Variants in SATB2 observed in about 807,000 individuals in gnomAD.
SATB2 encodes DNA-binding protein SATB2.
A neutral mutation model predicts 73.4 loss-of-function variants in SATB2; 1 was observed. The observed-to-expected ratio is 0.01, with a 90% CI of 0.00 to 0.06. The LOEUF is 0.06. SATB2 is among the 10% of genes least tolerant of loss of function. SATB2 has a pLI of 1.00. For synonymous variants in SATB2, 397 were observed against 367.0 expected, an observed-to-expected ratio of 1.08 and a Z score of -0.93; for missense variants, 459 against 945.8, an observed-to-expected ratio of 0.49 and a Z score of 6.75.
chr2:199,300,726 C>T (rs1480248310), intron 10 of SATB2, among the ~76,000 whole-genome samples: 2 of 151,902 alleles, frequency 1.3e-5, no homozygotes, highest in East Asian at 1.9e-4. Flanking sequence ...ATTTCATTGC[C>T]CTTCAAAAAT....
At chr2:199,442,599 A>G (rs1247221853) in intron 2 of SATB2, among the ~76,000 whole-genome samples, 1 of 152,256 alleles carries the variant, frequency 6.6e-6, no homozygotes, top group Non-Finnish European at 1.5e-5. Context: ...AGGACAAAAG[A>G]GCCGGGCACA....
chr2:199,374,395 G>A (rs1574560398), intron 5 of SATB2, among the ~76,000 whole-genome samples: 2 of 152,276 alleles, frequency 1.3e-5, no homozygotes, highest in African/African-American at 4.8e-5. Context: ...GGCTACCAGG[G>A]GTCAGGATGA....
intron 5 of SATB2, among the ~76,000 whole-genome samples, chr2:199,370,063 C>G (rs1336324140): frequency 6.6e-6 from 1 of 152,114 alleles, no homozygotes. Flanking sequence ...ACCTATGAGG[C>G]CTTGTCTCCT....
At chr2:199,420,408 T>C (rs775048308) in intron 3 of SATB2, among the ~76,000 whole-genome samples, 7 of 152,152 alleles carry the variant, frequency 4.6e-5, no homozygotes, top group Non-Finnish European at 1.0e-4. Flanking sequence ...GGCATTCCAA[T>C]AGGAGATGAG....
Position 199,308,678 on chromosome 2 carries a change from T to C in SATB2, c.1740+82A>G. On this transcript the variant is annotated intron_variant, in intron 10 of 10. Coordinates refer to ENST00000417098, the MANE Select transcript of SATB2 (RefSeq NM_001172509.2). This position sits in a 1 kb window ranked among gnomAD's most constrained non-coding sequence, Gnocchi z 4.6. ...CACCCTCTGACAGAAGTTGGTGTGGTGTGTGCCACTTGGACCCTCAGCAGC... is the reference window on the plus strand; with the variant it reads ...CACCCTCTGACAGAAGTTGGTGTGGCGTGTGCCACTTGGACCCTCAGCAGC... 8.5e-7 allele frequency: 1 copy of C among 1,177,042 alleles called. No individual in the cohort carries two copies. Among genetic ancestry groups the C allele is most frequent in the Non-Finnish European group, 1.3e-6 (1 of 794,434 alleles). The allele number at this position is 1,177,042 out of a possible 1,614,324, so 72.9% of individuals were successfully genotyped here. A position where few individuals can be genotyped will look rare whatever the true frequency, so the allele number is the denominator to read the frequency against.
chr2:199,352,467 A>G (rs886689069), intron 6 of SATB2, among the ~76,000 whole-genome samples: 1 of 152,186 alleles, frequency 6.6e-6, no homozygotes, highest in Non-Finnish European at 1.5e-5. Flanking sequence ...CTTTAAGGTT[A>G]TATATAATCA....
intron 9 of SATB2, among the ~76,000 whole-genome samples, chr2:199,309,317 T>G (rs996931621): frequency 3.3e-5 from 5 of 152,234 alleles, no homozygotes; most frequent in Non-Finnish European, 7.3e-5. Flanking sequence ...CAGCATTTCA[T>G]GCTAAGAGTG....
chr2:199,305,231 C>A (rs543044092), intron 10 of SATB2, among the ~76,000 whole-genome samples: 96 of 152,158 alleles, frequency 6.3e-4, no homozygotes, highest in Non-Finnish European at 1.2e-3. Context: ...GTGTGCCCTG[C>A]AGAAAGGACA....
intron 10 of SATB2, among the ~76,000 whole-genome samples, chr2:199,298,227 T>C (rs1024911796): frequency 5.9e-5 from 9 of 152,114 alleles, no homozygotes; most frequent in Admixed American, 3.3e-4. Context: ...ACCCCATCAA[T>C]TTGGGATTAT....
upstream of SATB2, among the ~76,000 whole-genome samples, chr2:199,468,557 G>A (rs1692637989): frequency 6.6e-6 from 1 of 152,234 alleles, no homozygotes. Context: ...GAGGGAGAGA[G>A]AGCTGGGCTG....
chr2:199,293,240 G>A (rs1038720427), intron 10 of SATB2, among the ~76,000 whole-genome samples: 1 of 152,128 alleles, frequency 6.6e-6, no homozygotes, highest in Non-Finnish European at 1.5e-5. Flanking sequence ...TTTCTCCTGT[G>A]AGTTTTTCTC....
intron 6 of SATB2, among the ~76,000 whole-genome samples, chr2:199,362,504 A>G (rs1291224594): frequency 2.0e-5 from 3 of 152,050 alleles, no homozygotes; most frequent in Non-Finnish European, 4.4e-5. Flanking sequence ...CAACACAACC[A>G]GAGGTAGGAA....
At chr2:199,314,678 T>C (rs1204441170) in intron 9 of SATB2, among the ~76,000 whole-genome samples, 2 of 152,080 alleles carry the variant, frequency 1.3e-5, no homozygotes, top group Non-Finnish European at 2.9e-5. Flanking sequence ...ATCATTGAGA[T>C]TATGGCATGC....
At chr2:199,337,073 CAA>C (rs1688358595) in intron 7 of SATB2, among the ~76,000 whole-genome samples, 2 of 152,084 alleles carry the variant, frequency 1.3e-5, no homozygotes, top group Non-Finnish European at 2.9e-5. Flanking sequence ...CATCACAGTA[CAA>C]TTTTTATTTT....
chr2:199,376,138 G>A (rs1366618922), intron 5 of SATB2, among the ~76,000 whole-genome samples: 1 of 152,148 alleles, frequency 6.6e-6, no homozygotes, highest in Admixed American at 6.5e-5. Context: ...CATGATAGCT[G>A]AAAAGAGCTA....
exon 1 of SATB2, chr2:199,471,018 G>C (rs1692695456): frequency 6.6e-6 from 1 of 152,438 alleles, no homozygotes; most frequent in Non-Finnish European, 1.5e-5. Flanking sequence ...GCTCACCTTA[G>C]TCCTTGATTT....
chr2:199,387,960 T>TG (rs1553497798), intron 3 of SATB2, among the ~76,000 whole-genome samples: 1 of 152,362 alleles, frequency 6.6e-6, no homozygotes. Context: ...TTTGTGTTCA[T>TG]GTTTTTGGTA....
chr2:199,408,662 T>A (rs1442217623), intron 3 of SATB2, among the ~76,000 whole-genome samples: 1 of 118,048 alleles, frequency 8.5e-6, no homozygotes, highest in Non-Finnish European at 1.7e-5. Flanking sequence ...CAAAGACTCC[T>A]GTGGTTGTTT....
intron 10 of SATB2, among the ~76,000 whole-genome samples, chr2:199,284,749 C>T (rs1018035096): frequency 1.3e-5 from 2 of 151,574 alleles, no homozygotes; most frequent in Non-Finnish European, 2.9e-5. Context: ...GGGTTCCATA[C>T]CTATGGATTC....
Sources: allele counts gnomAD v4.1 joint callset (sites outside exome capture counted in the v4.1 genomes callset), GRCh38; gene constraint gnomAD v4.1.1; non-coding constraint Gnocchi (gnomAD v3.1); transcripts MANE v1.5; gene names NCBI Gene and HGNC (gene_info 2026-07-23, HGNC 2026-07-21).